KIF26B: variants seen among roughly 807,000 people sequenced by gnomAD.
KIF26B encodes kinesin-like protein KIF26B.
Under a neutral mutation model 151.2 loss-of-function variants are expected in KIF26B, and 63 were observed. The ratio of observed to expected loss-of-function variants is 0.42; its 90% CI spans 0.34 to 0.51. The LOEUF (loss-of-function observed/expected upper bound fraction) is 0.51, where lower values mean the gene tolerates loss of function less well. KIF26B is among the 20% of genes least tolerant of loss of function. The pLI is 0.07. For missense variants in KIF26B, 2,813 were observed against 2,913.6 expected, an observed-to-expected ratio of 0.97 and a Z score of 0.79; for synonymous variants, 1,357 against 1,262.1, an observed-to-expected ratio of 1.08 and a Z score of -1.59.
At position 245,575,339 on chromosome 1, in the gene KIF26B, G is replaced by A. The variant is rs186310645; in HGVS notation, c.1351-27238G>A. On this transcript the variant is annotated intron_variant, in intron 5 of 14. Coordinates refer to ENST00000407071, the MANE Select transcript of KIF26B (RefSeq NM_018012.4). ...AAAATACAAAAATTAGCCAGGCATA[G>A]TGGTGCACACCTGTAGTCTCAGCTA... Among the ~76,000 whole-genome samples, 258 of 152,010 alleles carry A rather than the reference G, an allele frequency of 1.7e-3. 2 individuals are homozygous for A. Among genetic ancestry groups the A allele is most frequent in the Middle Eastern group, 3.4e-3 (1 of 294 alleles).
At chr1:245,618,241 A>T (rs895017637) in intron 9 of KIF26B, among the ~76,000 whole-genome samples, 1 of 152,182 alleles carries the variant, frequency 6.6e-6, no homozygotes, top group African/African-American at 2.4e-5. Context: ...ACTCCGCCTT[A>T]TATTTTGGCT....
In KIF26B at chr1:245,318,923, C is replaced by T. The variant is rs1671832668; in HGVS notation, c.466-47911C>T. ...AAACCAAAATCTACTGCATTTTACT[C>T]CTATTTAGGAAGAAGTAAACTTTTG... On this transcript the variant is annotated intron_variant, in intron 2 of 14. Coordinates refer to ENST00000407071, the MANE Select transcript of KIF26B (RefSeq NM_018012.4). The surrounding 1 kb of genome is among the most constrained non-coding windows in gnomAD (Gnocchi z 4.0). Among the ~76,000 whole-genome samples, 1 of 152,054 alleles carries T rather than the reference C, an allele frequency of 6.6e-6. No homozygotes were observed. The highest frequency in any genetic ancestry group is 1.5e-5 in the Non-Finnish European group (1 of 68,020).
At chr1:245,573,954 T>A (rs1223199462) in intron 5 of KIF26B, among the ~76,000 whole-genome samples, 1 of 152,184 alleles carries the variant, frequency 6.6e-6, no homozygotes, top group Non-Finnish European at 1.5e-5. Flanking sequence ...GGTGTGCAGT[T>A]TACAACTTAT....
chr1:245,464,025 A>G (rs1228230992), intron 4 of KIF26B, among the ~76,000 whole-genome samples: 1 of 152,178 alleles, frequency 6.6e-6, no homozygotes, highest in Non-Finnish European at 1.5e-5. Context: ...GAAAACGTGC[A>G]CAGACTTTGC....
chr1:245,396,663 AC>A (rs1673852599), intron 3 of KIF26B, among the ~76,000 whole-genome samples: 2 of 152,062 alleles, frequency 1.3e-5, no homozygotes, highest in Admixed American at 6.5e-5. Context: ...CAAAAAAAAA[AC>A]AACAACTATT....
chr1:245,525,090 C>G (rs1661209914), intron 4 of KIF26B, among the ~76,000 whole-genome samples: 1 of 152,086 alleles, frequency 6.6e-6, no homozygotes, highest in African/African-American at 2.4e-5. Flanking sequence ...TTGCCTTCTA[C>G]TCTGCACCTC....
chr1:245,185,932 T>G (rs540208414), intron 2 of KIF26B, among the ~76,000 whole-genome samples: 2 of 152,242 alleles, frequency 1.3e-5, no homozygotes, highest in African/African-American at 4.8e-5. Flanking sequence ...TGGAGTGCGG[T>G]GGCGTGATCT....
At position 245,227,018 on chromosome 1, in the gene KIF26B, C is replaced by T. The variant is rs1482893635; in HGVS notation, c.465+70335C>T. Among the ~76,000 whole-genome samples, 3 of 152,180 alleles carry T rather than the reference C, an allele frequency of 2.0e-5. No homozygotes were observed. Among genetic ancestry groups the T allele is most frequent in the Admixed American group, 2.0e-4 (3 of 15,278 alleles). ...TTTCAGATTCTTGAAAGACAGGCAG[C>T]TTGTTTCGAATGACCCACAGGGAAT... On this transcript the variant is annotated intron_variant, in intron 2 of 14. Transcript: ENST00000407071. The surrounding 1 kb of genome is among the most constrained non-coding windows in gnomAD (Gnocchi z 4.1).
intron 5 of KIF26B, among the ~76,000 whole-genome samples, chr1:245,581,131 A>G (rs2043171558): frequency 6.6e-6 from 1 of 152,098 alleles, no homozygotes; most frequent in Admixed American, 6.5e-5. Flanking sequence ...GGCAAGTTCC[A>G]CACATGAGGA....
intron 2 of KIF26B, among the ~76,000 whole-genome samples, chr1:245,238,170 T>TA (rs1314400813): frequency 6.6e-5 from 10 of 151,646 alleles, no homozygotes; most frequent in African/African-American, 9.7e-5. Flanking sequence ...CCATCTCTAC[T>TA]AAAAAAAATA....
chr1:245,205,273 T>G (rs1404805765), intron 2 of KIF26B, among the ~76,000 whole-genome samples: 1 of 152,200 alleles, frequency 6.6e-6, no homozygotes, highest in Non-Finnish European at 1.5e-5. Context: ...TGTATTGTTT[T>G]TGTAAATGCA....
At chr1:245,374,131 ATATATATG>A (rs1229902905) in intron 3 of KIF26B, among the ~76,000 whole-genome samples, 136 of 101,524 alleles carry the variant, frequency 1.3e-3, no homozygotes, top group Middle Eastern at 4.7e-3. Context: ...ATATATATAT[ATATATATG>A]GGCACAAAAG....
chr1:245,582,035 G>A (rs1620343), intron 5 of KIF26B, among the ~76,000 whole-genome samples: 79,879 of 152,060 alleles, frequency 0.53, 22,868 homozygotes, highest in African/African-American at 0.77. Flanking sequence ...CCATTTTACT[G>A]GTACTCAAGT....
In KIF26B at chr1:245,239,674, T is replaced by G. The variant is rs1254877719; in HGVS notation, c.465+82991T>G. 6.6e-6 allele frequency among the ~76,000 whole-genome samples: 1 copy of G among 152,084 alleles called. No individual in the cohort carries two copies. The highest frequency in any genetic ancestry group is 2.4e-5 in the African/African-American group (1 of 41,406). On this transcript the variant is annotated intron_variant, in intron 2 of 14. Coordinates refer to ENST00000407071, the MANE Select transcript of KIF26B (RefSeq NM_018012.4). The surrounding 1 kb of genome is among the most constrained non-coding windows in gnomAD (Gnocchi z 4.3). ...GCCCGCCACCACGCCTGGCTAATTT[T>G]TTGTATTTTTAGTAGAGACGGGTTT...
chr1:245,298,224 C>T (rs1671370488), intron 2 of KIF26B, among the ~76,000 whole-genome samples: 1 of 152,164 alleles, frequency 6.6e-6, no homozygotes. Flanking sequence ...TACCTTCATT[C>T]ACTACGAGTA....
chr1:245,253,436 C>G (rs1670479189), intron 2 of KIF26B, among the ~76,000 whole-genome samples: 1 of 152,124 alleles, frequency 6.6e-6, no homozygotes, highest in South Asian at 2.1e-4. Flanking sequence ...ATTTGACTTG[C>G]TAACATTTCA....
intron 2 of KIF26B, among the ~76,000 whole-genome samples, chr1:245,357,470 G>T (rs879567421): frequency 6.6e-6 from 1 of 152,228 alleles, no homozygotes; most frequent in Non-Finnish European, 1.5e-5. Context: ...AGACTTCGCG[G>T]AAGAGCGGGG....
At chr1:245,346,877 T>C (rs1187985095) in intron 2 of KIF26B, among the ~76,000 whole-genome samples, 4 of 152,210 alleles carry the variant, frequency 2.6e-5, no homozygotes, top group Non-Finnish European at 4.4e-5. Context: ...TTTCCCCCTT[T>C]CTCACCTACC....
chr1:245,618,294 G>A (rs2043615842), intron 9 of KIF26B, among the ~76,000 whole-genome samples: 1 of 152,166 alleles, frequency 6.6e-6, no homozygotes, highest in African/African-American at 2.4e-5. Context: ...TAGGTGCCTT[G>A]AGAAAGAGTG....
Sources: allele counts gnomAD v4.1 joint callset (sites outside exome capture counted in the v4.1 genomes callset), GRCh38; gene constraint gnomAD v4.1.1; non-coding constraint Gnocchi (gnomAD v3.1); transcripts MANE v1.5; gene names NCBI Gene and HGNC (gene_info 2026-07-23, HGNC 2026-07-21).